MTUS2: variants seen among roughly 807,000 people sequenced by gnomAD.
MTUS2 encodes microtubule associated scaffold protein 2.
In MTUS2, 40 loss-of-function variants were observed where a neutral mutation model predicts 114.1. That is an observed-to-expected ratio of 0.35 (90% CI 0.27 to 0.46). The LOEUF (loss-of-function observed/expected upper bound fraction) is 0.46. MTUS2 is among the 20% of genes least tolerant of loss of function. The pLI, the probability that MTUS2 is intolerant of heterozygous loss-of-function variation, is 1.00. For synonymous variants in MTUS2, 688 were observed against 672.0 expected, an observed-to-expected ratio of 1.02 and a Z score of -0.37; for missense variants, 1,679 against 1,705.4, an observed-to-expected ratio of 0.98 and a Z score of 0.27.
chr13:29,367,041 A>T (rs559892465), intron 8 of MTUS2, among the ~76,000 whole-genome samples: 17 of 152,108 alleles, frequency 1.1e-4, no homozygotes, highest in Admixed American at 1.0e-3. Flanking sequence ...CATTCTGTCT[A>T]TGGTCCATCC....
chr13:29,352,069 G>T (rs924934879), intron 7 of MTUS2, among the ~76,000 whole-genome samples: 1 of 152,070 alleles, frequency 6.6e-6, no homozygotes, highest in East Asian at 1.9e-4. Context: ...GCAAGTGTTG[G>T]TTCTTAGTTG....
At chr13:29,423,292 C>T (rs1214283173) in intron 8 of MTUS2, among the ~76,000 whole-genome samples, 2 of 152,178 alleles carry the variant, frequency 1.3e-5, no homozygotes, top group African/African-American at 2.4e-5. Flanking sequence ...AAAGAAATCT[C>T]GCTCCCTTCA....
intron 4 of MTUS2, among the ~76,000 whole-genome samples, chr13:29,055,316 G>A (rs906651810): frequency 6.6e-6 from 1 of 152,010 alleles, no homozygotes; most frequent in African/African-American, 2.4e-5. Flanking sequence ...TCCTTCTTCA[G>A]AAAACCAATT....
intron 5 of MTUS2, among the ~76,000 whole-genome samples, chr13:29,147,678 G>A (rs1445339150): frequency 6.6e-6 from 1 of 152,084 alleles, no homozygotes; most frequent in Non-Finnish European, 1.5e-5. Flanking sequence ...CTTAAAGTGG[G>A]AACATGCAGT....
intron 8 of MTUS2, among the ~76,000 whole-genome samples, chr13:29,431,788 T>C (rs1396480453): frequency 6.6e-6 from 1 of 151,492 alleles, no homozygotes; most frequent in African/African-American, 2.4e-5. Flanking sequence ...GCATAGGGAG[T>C]GTGGGGAAAT....
intron 5 of MTUS2, among the ~76,000 whole-genome samples, chr13:29,197,872 C>T (rs1229791262): frequency 1.3e-5 from 2 of 152,172 alleles, no homozygotes; most frequent in South Asian, 2.1e-4. Context: ...TTAGAAGTTC[C>T]TGTTCATATC....
intron 7 of MTUS2, among the ~76,000 whole-genome samples, chr13:29,328,867 T>C (rs1361996852): frequency 6.6e-6 from 1 of 152,194 alleles, no homozygotes. Flanking sequence ...TTTACTTCTT[T>C]CAGCATCTGC....
At chr13:29,448,195 A>G (rs1878424641) in intron 9 of MTUS2, among the ~76,000 whole-genome samples, 1 of 152,098 alleles carries the variant, frequency 6.6e-6, no homozygotes, top group Admixed American at 6.5e-5. Flanking sequence ...CAGACAGAAA[A>G]CATGCAATGC....
intron 4 of MTUS2, among the ~76,000 whole-genome samples, chr13:29,040,583 T>C (rs779782861): frequency 6.6e-5 from 10 of 152,208 alleles, no homozygotes; most frequent in Non-Finnish European, 1.5e-4. Context: ...CCACCAGCAG[T>C]ATATAAGTGT....
At chr13:29,058,712 C>A (rs1401579000) in intron 4 of MTUS2, among the ~76,000 whole-genome samples, 2 of 126,990 alleles carry the variant, frequency 1.6e-5, no homozygotes, top group South Asian at 2.4e-4. Context: ...ATCCCTCCCC[C>A]CTCCCCCCAC....
chr13:29,449,664 G>GTT (rs35247389), intron 9 of MTUS2, among the ~76,000 whole-genome samples: 83 of 148,640 alleles, frequency 5.6e-4, no homozygotes, highest in African/African-American at 1.4e-3. Context: ...CCACCAAGTG[G>GTT]TTTTTTTTTT....
chr13:29,127,558 C>G (rs1891572849), intron 5 of MTUS2, among the ~76,000 whole-genome samples: 1 of 152,212 alleles, frequency 6.6e-6, no homozygotes, highest in Non-Finnish European at 1.5e-5. Context: ...GCTCCTGCCC[C>G]CAAGTTTCCA....
intron 2 of MTUS2, among the ~76,000 whole-genome samples, chr13:29,015,787 G>C (rs1886039903): frequency 6.6e-6 from 1 of 152,040 alleles, no homozygotes; most frequent in African/African-American, 2.4e-5. Flanking sequence ...ATGGGAGGAA[G>C]AACATGACAT....
Position 29,024,943 on chromosome 13 carries a change from A to G in MTUS2, c.245A>G (p.Gln82Arg). 1 of 1,613,830 alleles carries G rather than the reference A, an allele frequency of 6.2e-7. No homozygotes were observed. ...THFHKEFHQL[Q>R]GFGKGSQAGS... ...TTCCATAAGGAATTTCACCAACTTCAGGGCTTTGGGAAAGGCTCTCAGGCT... is the reference window on the plus strand; with the variant it reads ...TTCCATAAGGAATTTCACCAACTTCGGGGCTTTGGGAAAGGCTCTCAGGCT... The change falls in exon 3 of 16, where the codon CAG becomes CGG. Residue 82 changes from glutamine to arginine, a missense_variant. Coordinates refer to ENST00000612955, the MANE Select transcript of MTUS2 (RefSeq NM_001033602.4).
intron 5 of MTUS2, among the ~76,000 whole-genome samples, chr13:29,108,097 T>C (rs1019892729): frequency 1.3e-5 from 2 of 152,238 alleles, no homozygotes; most frequent in Admixed American, 1.3e-4. Flanking sequence ...TTTCTACGTC[T>C]GACATGCATT....
At chr13:29,216,997 G>A (rs951593916) in intron 5 of MTUS2, among the ~76,000 whole-genome samples, 2 of 152,112 alleles carry the variant, frequency 1.3e-5, no homozygotes, top group African/African-American at 2.4e-5. Flanking sequence ...AGTACTACAA[G>A]CATCCATGTT....
chr13:29,416,155 TTGACCTCAGG>T (rs1351955804), intron 8 of MTUS2, among the ~76,000 whole-genome samples: 1 of 150,404 alleles, frequency 6.6e-6, no homozygotes, highest in African/African-American at 2.4e-5. Flanking sequence ...TCTTGAACTC[TTGACCTCAGG>T]TGATCCACCC....
intron 1 of MTUS2, among the ~76,000 whole-genome samples, chr13:28,828,215 A>T (rs549053556): frequency 1.9e-4 from 29 of 152,352 alleles, no homozygotes; most frequent in African/African-American, 6.3e-4. Context: ...GAAAGAAGAG[A>T]AATATGGCTC....
intron 8 of MTUS2, among the ~76,000 whole-genome samples, chr13:29,409,576 A>G (rs1032375530): frequency 2.6e-5 from 4 of 152,094 alleles, no homozygotes; most frequent in African/African-American, 4.8e-5. Flanking sequence ...TGGTTCTCCT[A>G]TTGTTTCTGT....
Sources: allele counts gnomAD v4.1 joint callset (sites outside exome capture counted in the v4.1 genomes callset), GRCh38; gene constraint gnomAD v4.1.1; transcripts MANE v1.5; gene names NCBI Gene and HGNC (gene_info 2026-07-23, HGNC 2026-07-21).